Variants in PRELID2 observed in about 807,000 individuals in gnomAD.
PRELID2 encodes the protein PRELI domain-containing protein 2.
PRELID2 carries 25 observed loss-of-function variants against 28.4 expected under a neutral mutation model. The ratio of observed to expected loss-of-function variants is 0.88; its 90% CI spans 0.64 to 1.23. PRELID2 has a LOEUF of 1.23. Ranked by LOEUF, PRELID2 falls within the 50% of genes most tolerant of loss-of-function variation. PRELID2 has a pLI of 0.00. For synonymous variants in PRELID2, 76 were observed against 71.6 expected (o/e 1.06, Z -0.31); for missense variants, 201 against 214.4 (o/e 0.94, Z 0.39).
At chr5:145,578,456 G>C (rs1458534643) in intron 1 of PRELID2, among the ~76,000 whole-genome samples, 1 of 151,894 alleles carries the variant, frequency 6.6e-6, no homozygotes, top group African/African-American at 2.4e-5. Context: ...TTTCCCCTGG[G>C]TCAAAGGTAA....
At chr5:145,498,205 A>T (rs1752324587) in intron 1 of PRELID2, among the ~76,000 whole-genome samples, 1 of 152,180 alleles carries the variant, frequency 6.6e-6, no homozygotes, top group African/African-American at 2.4e-5. Flanking sequence ...CTAAATTAGG[A>T]AGCTAAATCT....
At chr5:145,486,500 C>T (rs1037194504) in intron 1 of PRELID2, among the ~76,000 whole-genome samples, 1 of 152,170 alleles carries the variant, frequency 6.6e-6, no homozygotes, top group African/African-American at 2.4e-5. Flanking sequence ...CTGCCAATCA[C>T]AATTCTGGCC....
intron 1 of PRELID2, among the ~76,000 whole-genome samples, chr5:145,499,208 A>T (rs1752336878): frequency 6.6e-6 from 1 of 152,112 alleles, no homozygotes; most frequent in Non-Finnish European, 1.5e-5. Context: ...TGATCATGCT[A>T]CTGCACTCCA....
chr5:145,787,104 T>G (rs1581201737), intron 5 of PRELID2, among the ~76,000 whole-genome samples: 3 of 152,158 alleles, frequency 2.0e-5, no homozygotes, highest in Non-Finnish European at 4.4e-5. Context: ...AATTATTTCA[T>G]CACACATTGA....
At chr5:145,529,338 C>A (rs1267828200) in intron 1 of PRELID2, among the ~76,000 whole-genome samples, 2 of 152,116 alleles carry the variant, frequency 1.3e-5, no homozygotes, top group African/African-American at 4.8e-5. Context: ...AACACATGAG[C>A]AAACACTAAA....
chr5:145,408,183 C>G, the PRELID2 span, among the ~76,000 whole-genome samples: 9 of 152,006 alleles, frequency 5.9e-5, no homozygotes, highest in Non-Finnish European at 1.2e-4. Context: ...TCCACTGAAA[C>G]AGTCTATGCA....
At chr5:145,674,790 T>C (rs557140175) in intron 1 of PRELID2, among the ~76,000 whole-genome samples, 2 of 152,136 alleles carry the variant, frequency 1.3e-5, no homozygotes, top group Non-Finnish European at 2.9e-5. Flanking sequence ...CTACTAAAAA[T>C]ACACAAATTA....
chr5:145,728,597 C>G (rs1358393262), intron 1 of PRELID2: 1 of 958,870 alleles, frequency 1.0e-6, no homozygotes, highest in East Asian at 2.4e-5. Context: ...ACACATTTAG[C>G]AAAACAATGA....
intron 1 of PRELID2, among the ~76,000 whole-genome samples, chr5:145,648,851 A>G (rs1368853816): frequency 1.3e-5 from 2 of 150,814 alleles, no homozygotes; most frequent in Admixed American, 1.3e-4. Flanking sequence ...TATACATTTT[A>G]AACCTTTCAT....
the PRELID2 span, among the ~76,000 whole-genome samples, chr5:145,384,959 T>G: frequency 6.6e-6 from 1 of 152,104 alleles, no homozygotes; most frequent in Non-Finnish European, 1.5e-5. Flanking sequence ...CATGAGATTT[T>G]GGGTGGGGAC....
At chr5:145,785,532 C>T (rs1751939548) in intron 5 of PRELID2, among the ~76,000 whole-genome samples, 1 of 152,230 alleles carries the variant, frequency 6.6e-6, no homozygotes, top group Non-Finnish European at 1.5e-5. Flanking sequence ...CTAATGCAGG[C>T]CTCACATGCC....
chr5:145,350,512 T>C, the PRELID2 span, among the ~76,000 whole-genome samples: 1 of 152,176 alleles, frequency 6.6e-6, no homozygotes, highest in African/African-American at 2.4e-5. Flanking sequence ...TGAGAGTTGA[T>C]TGAGGCCATT....
the PRELID2 span, among the ~76,000 whole-genome samples, chr5:145,306,577 T>C: frequency 1.3e-5 from 2 of 152,102 alleles, no homozygotes; most frequent in Non-Finnish European, 2.9e-5. Context: ...TTATTTTAAA[T>C]TACTTCTTTG....
At chr5:145,695,459 A>G (rs2149698652) in intron 1 of PRELID2, among the ~76,000 whole-genome samples, 1 of 152,310 alleles carries the variant, frequency 6.6e-6, no homozygotes, top group East Asian at 1.9e-4. Flanking sequence ...AAATCAGACT[A>G]TATCACTTTT....
At chr5:145,480,529 G>A (rs907248453) in intron 1 of PRELID2, among the ~76,000 whole-genome samples, 56 of 152,188 alleles carry the variant, frequency 3.7e-4, no homozygotes, top group African/African-American at 1.3e-3. Flanking sequence ...GTATGTAAGT[G>A]TAAAATTACA....
intron 1 of PRELID2, among the ~76,000 whole-genome samples, chr5:145,742,344 T>C (rs2149742257): frequency 7.2e-6 from 1 of 138,234 alleles, no homozygotes; most frequent in South Asian, 2.2e-4. Flanking sequence ...TTTTTCTGGC[T>C]ACATCCTACG....
At chr5:145,296,694 T>C in the PRELID2 span, among the ~76,000 whole-genome samples, 1 of 152,194 alleles carries the variant, frequency 6.6e-6, no homozygotes, top group African/African-American at 2.4e-5. Context: ...TATAGTCCTT[T>C]GGGTATATAC....
chr5:145,413,416 G>A, the PRELID2 span, among the ~76,000 whole-genome samples: 1 of 152,186 alleles, frequency 6.6e-6, no homozygotes, highest in Non-Finnish European at 1.5e-5. Flanking sequence ...ATGGAAAACA[G>A]TATGGAGATT....
the PRELID2 span, among the ~76,000 whole-genome samples, chr5:145,443,586 C>CAGT: frequency 3.3e-5 from 5 of 152,024 alleles, no homozygotes; most frequent in African/African-American, 4.8e-5. Context: ...AGAATAAAAG[C>CAGT]AGTAGAAATA....
Sources: gnomAD v4.1 joint callset for allele counts (sites outside exome capture counted in the v4.1 genomes callset) on GRCh38, gnomAD v4.1.1 for gene constraint, MANE v1.5 for transcripts, NCBI Gene and HGNC (gene_info 2026-07-23, HGNC 2026-07-21) for gene names.